SBF2: variants seen among roughly 807,000 people sequenced by gnomAD.
SBF2 encodes the protein SET binding factor 2.
In SBF2, 112 loss-of-function variants were observed where a neutral mutation model predicts 225.2. The ratio of observed to expected loss-of-function variants is 0.50; its 90% CI spans 0.43 to 0.58. The LOEUF (loss-of-function observed/expected upper bound fraction) is 0.58. Ranked by LOEUF, SBF2 falls within the 20% of genes least tolerant of loss-of-function variation. The pLI, the probability that SBF2 is intolerant of heterozygous loss-of-function variation, is 0.00. For missense variants in SBF2, 1,996 were observed against 2,206.2 expected (o/e 0.90, Z 1.91); for synonymous variants, 763 against 773.3 (o/e 0.99, Z 0.22).
chr11:9,973,007 G>A (rs904272103), intron 13 of SBF2, among the ~76,000 whole-genome samples: 7 of 152,142 alleles, frequency 4.6e-5, no homozygotes, highest in Non-Finnish European at 1.0e-4. Flanking sequence ...TAGAAGATTC[G>A]AAAAAGACTT....
At chr11:10,115,866 T>C (rs1175166047) in intron 2 of SBF2, among the ~76,000 whole-genome samples, 2 of 152,136 alleles carry the variant, frequency 1.3e-5, no homozygotes, top group African/African-American at 4.8e-5. Context: ...ATTGTACATA[T>C]AAAATATTTG....
chr11:10,203,676 A>C (rs1957646111), intron 1 of SBF2, among the ~76,000 whole-genome samples: 1 of 151,188 alleles, frequency 6.6e-6, no homozygotes, highest in African/African-American at 2.4e-5. Context: ...GTAGGTATTA[A>C]TTAGTAGATA....
At chr11:10,276,133 T>C (rs17368498) in intron 1 of SBF2, among the ~76,000 whole-genome samples, 8,159 of 152,294 alleles carry the variant, frequency 0.054, 301 homozygotes, top group Middle Eastern at 0.14. Context: ...ATTAGGAATC[T>C]GGACTTAACC....
intron 16 of SBF2, among the ~76,000 whole-genome samples, chr11:9,954,943 C>A (rs907469646): frequency 3.5e-4 from 54 of 152,152 alleles, no homozygotes; most frequent in African/African-American, 1.1e-3. Flanking sequence ...AATTGCCTGA[C>A]TTTAGGACTT....
chr11:10,061,608 T>C (rs766331783), intron 2 of SBF2, among the ~76,000 whole-genome samples: 1 of 150,920 alleles, frequency 6.6e-6, no homozygotes, highest in Non-Finnish European at 1.5e-5. Flanking sequence ...CATAAAATAA[T>C]AAAATACACA....
At chr11:10,068,242 T>A (rs1435788058) in intron 2 of SBF2, among the ~76,000 whole-genome samples, 1 of 152,230 alleles carries the variant, frequency 6.6e-6, no homozygotes, top group Non-Finnish European at 1.5e-5. Context: ...AGTGATTTTT[T>A]AAAATAAATC....
intron 2 of SBF2, chr11:10,149,487 C>A (rs1167785021): frequency 6.6e-6 from 1 of 152,156 alleles, no homozygotes; most frequent in African/African-American, 2.4e-5. Context: ...TTACAATGAA[C>A]ACACACTACT....
chr11:10,286,384 G>A (rs1217868889), intron 1 of SBF2, among the ~76,000 whole-genome samples: 1 of 142,426 alleles, frequency 7.0e-6, no homozygotes, highest in Non-Finnish European at 1.5e-5. Context: ...TTGCTCTGTC[G>A]CCAGGCTGTA....
intron 2 of SBF2, among the ~76,000 whole-genome samples, chr11:10,069,761 T>C (rs1308689870): frequency 6.6e-6 from 1 of 152,226 alleles, no homozygotes; most frequent in African/African-American, 2.4e-5. Flanking sequence ...GCTGAACTAA[T>C]TTATACTCCC....
At chr11:9,946,876 G>A (rs772781313) in intron 16 of SBF2, among the ~76,000 whole-genome samples, 5 of 152,202 alleles carry the variant, frequency 3.3e-5, no homozygotes, top group Non-Finnish European at 5.9e-5. Flanking sequence ...GGAAATTACT[G>A]TGAGTCTTTT....
chr11:9,955,143 A>G (rs957423254), intron 16 of SBF2, among the ~76,000 whole-genome samples: 1 of 152,026 alleles, frequency 6.6e-6, no homozygotes, highest in Non-Finnish European at 1.5e-5. Context: ...CTTGTTATAT[A>G]TCTTATATAA....
chr11:10,119,588 G>A (rs1953332173), intron 2 of SBF2, among the ~76,000 whole-genome samples: 1 of 152,096 alleles, frequency 6.6e-6, no homozygotes, highest in Admixed American at 6.5e-5. Flanking sequence ...AACCTGACAT[G>A]TCTGTTTTCA....
At chr11:9,930,979 A>C (rs61876945) in intron 16 of SBF2, among the ~76,000 whole-genome samples, 19,011 of 152,346 alleles carry the variant, frequency 0.12, 1,288 homozygotes, top group Non-Finnish European at 0.14. Flanking sequence ...TCCCATGTCC[A>C]CAGAGCCTTG....
chr11:10,240,397 A>G (rs1318061637), intron 1 of SBF2, among the ~76,000 whole-genome samples: 2 of 152,204 alleles, frequency 1.3e-5, no homozygotes, highest in Admixed American at 6.5e-5. Flanking sequence ...GTACCATGAT[A>G]TAACACATAA....
intron 16 of SBF2, among the ~76,000 whole-genome samples, chr11:9,914,495 G>A (rs1862908274): frequency 6.6e-6 from 1 of 152,136 alleles, no homozygotes; most frequent in South Asian, 2.1e-4. Context: ...AAATGCAAAA[G>A]CAGAACCTGG....
At chr11:10,235,855 C>A (rs1203165944) in intron 1 of SBF2, among the ~76,000 whole-genome samples, 2 of 152,044 alleles carry the variant, frequency 1.3e-5, no homozygotes, top group East Asian at 3.9e-4. Flanking sequence ...ATCACCTGAG[C>A]CCAAGAGTTC....
chr11:9,783,415 T>C (rs1273254740), intron 38 of SBF2, among the ~76,000 whole-genome samples: 1 of 152,170 alleles, frequency 6.6e-6, no homozygotes, highest in East Asian at 1.9e-4. Context: ...GGAGTAACAG[T>C]TCAGGTTTTT....
chr11:10,226,747 G>C (rs1400059028), intron 1 of SBF2, among the ~76,000 whole-genome samples: 3 of 152,102 alleles, frequency 2.0e-5, no homozygotes, highest in Non-Finnish European at 4.4e-5. Flanking sequence ...CATTTGGCTT[G>C]GTTCCAAGTC....
intron 2 of SBF2, among the ~76,000 whole-genome samples, chr11:10,079,041 T>A (rs1398697027): frequency 1.3e-5 from 2 of 152,058 alleles, no homozygotes; most frequent in African/African-American, 4.8e-5. Context: ...CACAGATGCA[T>A]CCTGAAGAAG....
Sources: allele counts gnomAD v4.1 joint callset (sites outside exome capture counted in the v4.1 genomes callset), GRCh38; gene constraint gnomAD v4.1.1; transcripts MANE v1.5; gene names NCBI Gene and HGNC (gene_info 2026-07-23, HGNC 2026-07-21).